The following PRCC variants were observed in gnomAD, a reference collection of about 807,000 sequenced individuals.
PRCC encodes the protein proline-rich protein PRCC.
In PRCC, 10 loss-of-function variants were observed where a neutral mutation model predicts 44.0. The ratio of observed to expected loss-of-function variants is 0.23; its 90% CI spans 0.14 to 0.39. The LOEUF (loss-of-function observed/expected upper bound fraction) is 0.39, where lower values mean the gene tolerates loss of function less well. Ranked by LOEUF, PRCC falls within the 10% of genes least tolerant of loss-of-function variation. The probability of loss-of-function intolerance (pLI) is 1.00; values close to 1 mark genes in which losing one functional copy is unlikely to be tolerated. For missense variants in PRCC, 573 were observed against 624.7 expected, an observed-to-expected ratio of 0.92 and a Z score of 0.88; for synonymous variants, 278 against 259.5, an observed-to-expected ratio of 1.07 and a Z score of -0.69.
rs35911411 is a variant in PRCC at position 156,795,285 on chromosome 1, G to GTTTTTTTTTTTTTTTTTTTTTTTTT, written c.1323+501_1323+502insTTTTTTTTTTTTTTTTTTTTTTTTT. On this transcript the variant is annotated intron_variant, in intron 5 of 6. Transcript: ENST00000271526. ...CTTCCAATTGTTTTCATTTTCTGGT[G>GTTTTTTTTTTTTTTTTTTTTTTTTT]TTTTTTTTTTTTTTTTTTTTTTTTC... Among the ~76,000 whole-genome samples the GTTTTTTTTTTTTTTTTTTTTTTTTT allele has an allele frequency of 3.6e-4, 13 of 36,062 alleles. 2 individuals are homozygous for GTTTTTTTTTTTTTTTTTTTTTTTTT. Among genetic ancestry groups the GTTTTTTTTTTTTTTTTTTTTTTTTT allele is most frequent in the Admixed American group, 1.1e-3 (2 of 1,830 alleles). The allele number at this position is 36,062 out of a possible 152,430, so 23.7% of individuals were successfully genotyped here. A position where few individuals can be genotyped will look rare whatever the true frequency, so the allele number is the denominator to read the frequency against.
chr1:156,774,575 C>T (rs1327782887), intron 1 of PRCC, among the ~76,000 whole-genome samples: 1 of 152,058 alleles, frequency 6.6e-6, no homozygotes, highest in Non-Finnish European at 1.5e-5. Context: ...CAGCCTCTAC[C>T]TCCTGGGCTC....
intron 1 of PRCC, among the ~76,000 whole-genome samples, chr1:156,777,058 G>C (rs537460542): frequency 2.9e-4 from 44 of 152,312 alleles, no homozygotes; most frequent in Non-Finnish European, 6.0e-4. Context: ...ACTGGCAGTA[G>C]CTCCTGTGGT....
chr1:156,788,983 T>G (rs966396333), intron 3 of PRCC, among the ~76,000 whole-genome samples: 10 of 151,732 alleles, frequency 6.6e-5, no homozygotes, highest in Non-Finnish European at 1.3e-4. Context: ...TATTTTTTTA[T>G]TTTTGAGATG....
At chr1:156,783,326 C>A (rs923334096) in intron 2 of PRCC, among the ~76,000 whole-genome samples, 1 of 152,228 alleles carries the variant, frequency 6.6e-6, no homozygotes, top group African/African-American at 2.4e-5. Flanking sequence ...TGTTTCCCCT[C>A]ATCTCAGTAC....
chr1:156,767,819 G>A lies in PRCC; in HGVS notation c.48G>A (p.Glu16=). The A allele has an allele frequency of 6.2e-7, 1 of 1,610,346 alleles. No individual in the cohort carries two copies. Residue 16 remains glutamate (E), a synonymous_variant, in exon 1 of 7, where the codon GAG becomes GAA. Transcript: ENST00000271526. ...YASSDESEPD[E]AEPEPEEEEA... is the part of the protein sequence containing the mutation. Reference sequence around the variant, plus strand: ...GCAGCGATGAGAGCGAGCCGGATGAGGCTGAGCCCGAGCCGGAGGAAGAGG... The same window carrying A: ...GCAGCGATGAGAGCGAGCCGGATGAAGCTGAGCCCGAGCCGGAGGAAGAGG...
rs1443973112 is a variant in PRCC at position 156,800,451 on chromosome 1, T to C, written c.1467T>C (p.Tyr489=). 6.2e-7 allele frequency: 1 copy of C among 1,614,166 alleles called. No homozygotes were observed. The highest frequency in any genetic ancestry group is 8.5e-7 in the Non-Finnish European group (1 of 1,180,016). The part of the protein sequence containing the change: ...KLSRRQTQAK[Y]GF The stretch of plus-strand genomic sequence containing the variant: ...GCCGCCGTCAGACCCAAGCCAAATA[T>C]GGATTCTAGGGCTCTGGAACTGATT... Residue 489 remains tyrosine, a synonymous_variant, in exon 7 of 7, where the codon TAT becomes TAC. Transcript: ENST00000271526.
At chr1:156,780,392 A>T (rs11585470) in intron 1 of PRCC, among the ~76,000 whole-genome samples, 4,456 of 150,812 alleles carry the variant, frequency 0.03, 171 homozygotes, top group South Asian at 0.14. Context: ...AATTTTTTTT[A>T]AATTTATTTT....
chr1:156,797,591 C>G (rs1652702497), intron 6 of PRCC, among the ~76,000 whole-genome samples: 1 of 152,092 alleles, frequency 6.6e-6, no homozygotes, highest in Admixed American at 6.6e-5. Flanking sequence ...AGTGAAAATC[C>G]AGATATCCAA....
intron 4 of PRCC, 80 bp downstream of exon 4, chr1:156,791,872 A>C (rs567083325): frequency 7.6e-5 from 99 of 1,310,664 alleles, no homozygotes; most frequent in Admixed American, 1.8e-4. Flanking sequence ...AAATTAAAAA[A>C]ACACACACAC....
chr1:156,769,676 T>G (rs1469617394), intron 1 of PRCC, among the ~76,000 whole-genome samples: 1 of 152,160 alleles, frequency 6.6e-6, no homozygotes, highest in Non-Finnish European at 1.5e-5. Flanking sequence ...CTCTGCTCAC[T>G]GCAAGCTCCG....
intron 2 of PRCC, among the ~76,000 whole-genome samples, chr1:156,785,777 G>A (rs1444260712): frequency 6.7e-6 from 1 of 150,358 alleles, no homozygotes; most frequent in Non-Finnish European, 1.5e-5. Flanking sequence ...GAGGGGTCTC[G>A]CTCAGGGTTA....
intron 1 of PRCC, among the ~76,000 whole-genome samples, chr1:156,776,589 T>C (rs1405532356): frequency 6.6e-6 from 1 of 152,224 alleles, no homozygotes; most frequent in Non-Finnish European, 1.5e-5. Context: ...CCTTCAATTC[T>C]ATTAGCTGTG....
intron 5 of PRCC, chr1:156,797,047 T>A: frequency 3.9e-6 from 2 of 513,402 alleles, no homozygotes; most frequent in Admixed American, 3.3e-5. Context: ...TAGTGGGGGA[T>A]ATTAGCAGGC....
chr1:156,768,455 G>C (rs893848733), intron 1 of PRCC, among the ~76,000 whole-genome samples: 23 of 152,218 alleles, frequency 1.5e-4, no homozygotes, highest in Non-Finnish European at 3.1e-4. Context: ...GGGCTTGCCT[G>C]CAGAAGGCCA....
chr1:156,774,563 T>G (rs1651751940), intron 1 of PRCC, among the ~76,000 whole-genome samples: 1 of 152,108 alleles, frequency 6.6e-6, no homozygotes. Flanking sequence ...TATGGCTTAC[T>G]GCAGCCTCTA....
rs976297764 is a variant in PRCC at position 156,775,566 on chromosome 1, A to G, written c.469-6716A>G. On this transcript the variant is annotated intron_variant, in intron 1 of 6. Transcript: ENST00000271526. ...CGCTCTGTCGCCCAGGCTGGAGTGC[A>G]GTGGTGCAATCTCAGCTCACTGCAA... is the stretch of plus-strand genomic sequence containing the variant. 6.1e-5 allele frequency among the ~76,000 whole-genome samples: 9 copies of G among 148,636 alleles called. 1 individual carries two copies. Among genetic ancestry groups the G allele is most frequent in the Non-Finnish European group, 8.9e-5 (6 of 67,370 alleles).
At position 156,791,736 on chromosome 1, in the gene PRCC, G is replaced by A. The variant is rs377429293; in HGVS notation, c.1123G>A (p.Ala375Thr). The A allele has an allele frequency of 3.7e-6, 6 of 1,613,742 alleles. No homozygotes were observed. Among genetic ancestry groups the A allele is most frequent in the South Asian group, 3.3e-5 (3 of 91,060 alleles). ...TGGCTACTATCCTGCACAGGACCCG[G>A]CCCTGGTCCCCCCCCAGGAAATTGC... ...SGGYYPAQDPALVPPQEIAPD... is the reference protein window; with the variant it reads ...SGGYYPAQDPTLVPPQEIAPD... Residue 375 changes from alanine (A) to threonine (T), a missense_variant, in exon 4 of 7, where the codon GCC becomes ACC. This residue lies in a region of PRCC where 141 missense variants were observed against 130.2 expected (regional missense o/e 1.08). Transcript: ENST00000271526.
chr1:156,783,043 T>C (rs1411769713), intron 2 of PRCC, among the ~76,000 whole-genome samples: 1 of 152,194 alleles, frequency 6.6e-6, no homozygotes, highest in Non-Finnish European at 1.5e-5. Context: ...TAGCTGGGTT[T>C]ACAGGCATGC....
chr1:156,777,121 G>A (rs1345662026), intron 1 of PRCC, among the ~76,000 whole-genome samples: 2 of 152,228 alleles, frequency 1.3e-5, no homozygotes, highest in East Asian at 1.9e-4. Context: ...GTTAAATAGC[G>A]GGATCCCTTA....
Sources: gnomAD v4.1 joint callset for allele counts (sites outside exome capture counted in the v4.1 genomes callset) on GRCh38, gnomAD v4.1.1 for gene constraint, gnomAD v4.1.1 regional missense constraint, MANE v1.5 for transcripts, NCBI Gene and HGNC (gene_info 2026-07-23, HGNC 2026-07-21) for gene names.